The following CALB2 variants were observed in gnomAD, a reference collection of about 807,000 sequenced individuals.
CALB2 encodes the protein calbindin 2, also known as calretinin.
A neutral mutation model predicts 45.9 loss-of-function variants in CALB2; 34 were observed. The ratio of observed to expected loss-of-function variants is 0.74; its 90% CI spans 0.56 to 0.99. The LOEUF is 0.99. Ranked by LOEUF, CALB2 falls within the 50% of genes least tolerant of loss-of-function variation. The pLI, the probability that CALB2 is intolerant of heterozygous loss-of-function variation, is 0.00. For synonymous variants in CALB2, 142 were observed against 129.6 expected, an observed-to-expected ratio of 1.10 and a Z score of -0.65; for missense variants, 344 against 339.3, an observed-to-expected ratio of 1.01 and a Z score of -0.11.
chr16:71,364,996 C>T (rs569877130), intron 1 of CALB2, among the ~76,000 whole-genome samples: 1 of 152,118 alleles, frequency 6.6e-6, no homozygotes, highest in Non-Finnish European at 1.5e-5. Flanking sequence ...CTGGCAGGGT[C>T]GTAAAGAACA....
rs570512719 is a variant in CALB2, at chr16:71,361,460, G to A, written c.94+2574G>A. Among the ~76,000 whole-genome samples, 6 of 152,248 alleles carry A rather than the reference G, an allele frequency of 3.9e-5. No homozygotes were observed. The South Asian group carries it at 1.0e-3, about 26-fold the overall frequency. ...CTCTCTCCTACCAATTCTGGTTTCC[G>A]TTTTCAACATGGGGTTTCTTCCCAA... On this transcript the variant is annotated intron_variant, in intron 1 of 10. Transcript: ENST00000302628.
chr16:71,376,034 G>T (rs2042407550), intron 3 of CALB2, among the ~76,000 whole-genome samples: 1 of 152,210 alleles, frequency 6.6e-6, no homozygotes, highest in African/African-American at 2.4e-5. Context: ...AGAGGAGCAG[G>T]GAGAGGCACC....
intron 10 of CALB2, among the ~76,000 whole-genome samples, chr16:71,387,219 G>A (rs2042580425): frequency 6.6e-6 from 1 of 152,168 alleles, no homozygotes; most frequent in Non-Finnish European, 1.5e-5. Context: ...TCACACAAAG[G>A]ACAGCTTGTG....
intron 1 of CALB2, among the ~76,000 whole-genome samples, chr16:71,367,584 G>A (rs1013689368): frequency 3.9e-5 from 6 of 152,122 alleles, no homozygotes; most frequent in African/African-American, 9.7e-5. Flanking sequence ...GCCACCTGCC[G>A]ATCTCTCCTG....
At position 71,372,221 on chromosome 16, in the gene CALB2, T is replaced by C. The variant is rs757443751; in HGVS notation, c.163T>C (p.Ser55Pro). 1.9e-6 allele frequency: 3 copies of C among 1,612,588 alleles called. No individual in the cohort carries two copies. In the South Asian group the frequency reaches 3.3e-5, roughly 18 times the overall value. The stretch of plus-strand genomic sequence containing the variant: ...AGAGCTGGAGAAGGCAAGGAAAGGC[T>C]CTGGCATGGTAAGCCCAGCCCTGTC... ...FQELEKARKG[S>P]GMMSKSDNFG... Residue 55 changes from serine to proline, a missense_variant, in exon 2 of 11, where the codon TCT becomes CCT. Physicochemically the swap from Ser to Pro is moderately conservative, Grantham distance 74 (BLOSUM62 -1). Transcript: ENST00000302628.
intron 7 of CALB2, 41 bp downstream of exon 7, chr16:71,384,066 C>G (rs1238860168): frequency 6.3e-7 from 1 of 1,590,160 alleles, no homozygotes; most frequent in Non-Finnish European, 8.6e-7. Flanking sequence ...CTGGCTCCCA[C>G]AGGTCATTCC....
rs74025964 is a variant in CALB2, at chr16:71,363,757, A to G, written c.94+4871A>G. Among the ~76,000 whole-genome samples the G allele has an allele frequency of 5.0e-3, 762 of 152,366 alleles. 13 individuals are homozygous for G. Among genetic ancestry groups the G allele is most frequent in the African/African-American group, 0.017 (727 of 41,594 alleles). ...GTCACAAAATATGTGATGTATATTA[A>G]GTGTTTATATAAATGACACAACAGT... On this transcript the variant is annotated intron_variant, in intron 1 of 10. Transcript: ENST00000302628.
At chr16:71,366,660 G>A (rs1428147828) in intron 1 of CALB2, among the ~76,000 whole-genome samples, 4 of 152,188 alleles carry the variant, frequency 2.6e-5, no homozygotes, top group Non-Finnish European at 5.9e-5. Flanking sequence ...GAAAGCAGTG[G>A]TGCTGGAACT....
intron 4 of CALB2, among the ~76,000 whole-genome samples, chr16:71,379,278 T>C (rs910591369): frequency 6.4e-5 from 5 of 78,130 alleles, no homozygotes; most frequent in Admixed American, 5.7e-4. Context: ...GTCTAATAAA[T>C]AAATAAATAA....
intron 10 of CALB2, among the ~76,000 whole-genome samples, chr16:71,388,802 GA>G (rs2042601385): frequency 6.7e-6 from 1 of 148,546 alleles, no homozygotes; most frequent in African/African-American, 2.5e-5. Context: ...CCAACATGGT[GA>G]AACCCCCGTC....
chr16:71,386,000 C>T (rs1454292792), intron 10 of CALB2, among the ~76,000 whole-genome samples: 1 of 152,182 alleles, frequency 6.6e-6, no homozygotes, highest in Admixed American at 6.5e-5. Flanking sequence ...TAAAAAATAA[C>T]TCTCCATTCC....
intron 5 of CALB2, 22 bp downstream of exon 5, chr16:71,382,797 G>GT (rs754756463): frequency 6.3e-7 from 1 of 1,598,232 alleles, no homozygotes; most frequent in East Asian, 2.2e-5. Context: ...CTTGGGGAGG[G>GT]TGTGAGGCCA....
At chr16:71,368,196 C>G (rs1164220943) in intron 1 of CALB2, among the ~76,000 whole-genome samples, 2 of 152,224 alleles carry the variant, frequency 1.3e-5, no homozygotes, top group Non-Finnish European at 2.9e-5. Flanking sequence ...CTTTGCACCT[C>G]CAGTGCCTGC....
intron 10 of CALB2, among the ~76,000 whole-genome samples, chr16:71,387,712 A>C (rs2042586604): frequency 6.6e-6 from 1 of 152,164 alleles, no homozygotes; most frequent in Non-Finnish European, 1.5e-5. Context: ...TCGCTGCCAC[A>C]GTTCACTGCG....
intron 3 of CALB2, among the ~76,000 whole-genome samples, chr16:71,375,884 T>C (rs1026399469): frequency 6.6e-6 from 1 of 152,186 alleles, no homozygotes; most frequent in Non-Finnish European, 1.5e-5. Context: ...CTGCCCCTCT[T>C]TGGGCAAGGA....
At chr16:71,370,889 T>C (rs1377373641) in intron 1 of CALB2, among the ~76,000 whole-genome samples, 1 of 152,188 alleles carries the variant, frequency 6.6e-6, no homozygotes, top group African/African-American at 2.4e-5. Context: ...TGGTCTCTAG[T>C]AGACCATCCA....
rs1411922984 is a variant in CALB2, at chr16:71,383,321, C to A, written c.400-46C>A. ...AGCAAGTAAGGAAATGAATGAGGGA[C>A]CGAATGCACGAGTCAGGAGTACTAA... is the stretch of plus-strand genomic sequence containing the variant. On this transcript the variant is annotated intron_variant, in intron 5 of 10. Coordinates refer to ENST00000302628, the MANE Select transcript of CALB2 (RefSeq NM_001740.5). 3.9e-6 allele frequency: 6 copies of A among 1,533,342 alleles called. No homozygotes were observed. The South Asian group carries it at 4.5e-5, about 12-fold the overall frequency. The allele number at this position is 1,533,342 out of a possible 1,614,324, so 95.0% of individuals were successfully genotyped here. A position where few individuals can be genotyped will look rare whatever the true frequency, so the allele number is the denominator to read the frequency against.
chr16:71,362,225 T>C (rs1054822590), intron 1 of CALB2, among the ~76,000 whole-genome samples: 6 of 152,234 alleles, frequency 3.9e-5, no homozygotes, highest in Non-Finnish European at 7.3e-5. Flanking sequence ...CACACTGTCC[T>C]TTATTTATGG....
At chr16:71,384,564 C>A (rs1383692853) in intron 8 of CALB2, among the ~76,000 whole-genome samples, 186 bp downstream of exon 8, 2 of 124,468 alleles carry the variant, frequency 1.6e-5, no homozygotes, top group South Asian at 5.5e-4. Flanking sequence ...ACCACACACA[C>A]CACATACACA....
Sources: gnomAD v4.1 joint callset for allele counts (sites outside exome capture counted in the v4.1 genomes callset) on GRCh38, gnomAD v4.1.1 for gene constraint, MANE v1.5 for transcripts, NCBI Gene and HGNC (gene_info 2026-07-23, HGNC 2026-07-21) for gene names.